SLAMF6: variants seen among roughly 807,000 people sequenced by gnomAD.
SLAMF6 encodes NK-T-B-antigen.
A neutral mutation model predicts 38.3 loss-of-function variants in SLAMF6; 21 were observed. The ratio of observed to expected loss-of-function variants is 0.55; its 90% CI spans 0.39 to 0.79. SLAMF6 has a LOEUF of 0.79. SLAMF6 is among the 30% of genes least tolerant of loss of function. The pLI, the probability that SLAMF6 is intolerant of heterozygous loss-of-function variation, is 0.00. For synonymous variants in SLAMF6, 152 were observed against 146.3 expected (o/e 1.04, Z -0.28); for missense variants, 341 against 385.3 (o/e 0.89, Z 0.96).
At chr1:160,521,624 C>T (rs991564788) in intron 1 of SLAMF6, among the ~76,000 whole-genome samples, 9 of 152,258 alleles carry the variant, frequency 5.9e-5, no homozygotes, top group South Asian at 2.1e-4. Flanking sequence ...TTCTCCTCAG[C>T]TTAACATATC....
intron 1 of SLAMF6, among the ~76,000 whole-genome samples, chr1:160,520,229 C>T (rs1278751905): frequency 6.6e-6 from 1 of 152,190 alleles, no homozygotes; most frequent in Non-Finnish European, 1.5e-5. Context: ...TTTGACTCAA[C>T]CTCAGAATCA....
Position 160,490,843 on chromosome 1 carries a change from G to A in SLAMF6, c.647-158C>T, listed in dbSNP as rs577721961. On this transcript the variant is annotated intron_variant, in intron 3 of 7. Transcript: ENST00000368057. ...TGGGAGTCCTATGTGGCAGGCAGGG[G>A]AGGGTGGGGCCCAGTGGAGTTAGGG... 4 of 729,582 alleles carry A rather than the reference G, an allele frequency of 5.5e-6. No homozygotes were observed. In the Admixed American group the frequency reaches 2.5e-4, roughly 46 times the overall value. 45.2% of individuals were successfully genotyped at this position (729,582 alleles called of 1,614,324 possible).
intron 1 of SLAMF6, among the ~76,000 whole-genome samples, chr1:160,513,581 T>C (rs2102061945): frequency 6.6e-6 from 1 of 151,954 alleles, no homozygotes; most frequent in South Asian, 2.1e-4. Flanking sequence ...AAGGTCAAAA[T>C]GAAGGAAAAA....
chr1:160,485,942 TC>T lies in SLAMF6; in HGVS notation c.*764del, dbSNP rs1466763102. On this transcript the variant is annotated 3_prime_UTR_variant, in exon 8 of 8. Coordinates refer to ENST00000368057, the MANE Select transcript of SLAMF6 (RefSeq NM_001184714.2). ...AAACAATGGAGCTGATGTAATACCA[TC>T]CTCTTCCTTTTTCAGTCTGGGAGAC... is the stretch of plus-strand genomic sequence containing the variant. The T allele has an allele frequency of 2.0e-5, 3 of 152,704 alleles. No homozygotes were observed. Among genetic ancestry groups the T allele is most frequent in the African/African-American group, 7.2e-5 (3 of 41,552 alleles). 9.5% of individuals were successfully genotyped at this position (152,704 alleles called of 1,614,324 possible).
Position 160,523,243 on chromosome 1 carries a change from T to C in SLAMF6, c.-51A>G. ...TGAGACCTTGAGGCAGTCAATGTTT[T>C]TGCCCTTCTGTCATAAACTGAAAAT... On this transcript the variant is annotated 5_prime_UTR_variant, in exon 1 of 8. Coordinates refer to ENST00000368057, the MANE Select transcript of SLAMF6 (RefSeq NM_001184714.2). The C allele has an allele frequency of 6.2e-7, 1 of 1,601,874 alleles. No homozygotes were observed. Among genetic ancestry groups the C allele is most frequent in the Non-Finnish European group, 8.5e-7 (1 of 1,174,308 alleles).
intron 1 of SLAMF6, among the ~76,000 whole-genome samples, chr1:160,520,669 G>T (rs2102073567): frequency 6.6e-6 from 1 of 152,274 alleles, no homozygotes; most frequent in South Asian, 2.1e-4. Flanking sequence ...CCCAGGGCTT[G>T]AGTTAAAGGA....
At position 160,496,179 on chromosome 1, in the gene SLAMF6, G is replaced by A. The variant is rs1055054581; in HGVS notation, c.264C>T (p.Phe88=). Residue 88 remains phenylalanine, a synonymous_variant, in exon 2 of 8, where the codon TTC becomes TTT. Coordinates refer to ENST00000368057, the MANE Select transcript of SLAMF6 (RefSeq NM_001184714.2). ...TGAGTTGCAGGGAGTAGGACTGGGTGAAGTTCAGTCGCTTTCCCTGTTTCG... is the reference window on the plus strand; with the variant it reads ...TGAGTTGCAGGGAGTAGGACTGGGTAAAGTTCAGTCGCTTTCCCTGTTTCG... The part of the protein sequence containing the change: ...TNPKQGKRLN[F]TQSYSLQLSN... The A allele has an allele frequency of 7.4e-6, 12 of 1,613,838 alleles. No individual in the cohort carries two copies. The highest frequency in any genetic ancestry group is 1.7e-5 in the Admixed American group (1 of 59,942).
At chr1:160,497,015 G>T (rs1387913169) in intron 1 of SLAMF6, among the ~76,000 whole-genome samples, 1 of 152,056 alleles carries the variant, frequency 6.6e-6, no homozygotes, top group African/African-American at 2.4e-5. Context: ...ATTTTCCCAG[G>T]GTTGCACAGC....
chr1:160,501,196 C>T (rs1198484964), intron 1 of SLAMF6, among the ~76,000 whole-genome samples: 1 of 152,136 alleles, frequency 6.6e-6, no homozygotes, highest in Non-Finnish European at 1.5e-5. Flanking sequence ...TTTATTAGGT[C>T]TGTTTTATGT....
intron 5 of SLAMF6, among the ~76,000 whole-genome samples, chr1:160,489,947 C>T (rs558356474): frequency 1.3e-5 from 2 of 152,264 alleles, no homozygotes; most frequent in African/African-American, 2.4e-5. Context: ...CTTAGTTTCT[C>T]CATCAGCAGG....
rs1233386461 is a variant in SLAMF6, at chr1:160,496,310, G to A, written c.133C>T (p.Pro45Ser). The A allele has an allele frequency of 6.2e-7, 1 of 1,613,896 alleles. No individual in the cohort carries two copies. Among genetic ancestry groups the A allele is most frequent in the Non-Finnish European group, 8.5e-7 (1 of 1,179,942 alleles). Residue 45 changes from proline to serine, a missense_variant, in exon 2 of 8, where the codon CCT (proline) becomes TCT (serine). Pro to Ser is a moderately conservative substitution (Grantham distance 74, BLOSUM62 -1). Transcript: ENST00000368057. Reference protein sequence around the residue: ...GESVTLPLEFPAGEKVNFITW... With the variant: ...GESVTLPLEFSAGEKVNFITW... ...ATGAAGTTGACCTTCTCTCCTGCAG[G>A]AAACTCCAGGGGAAGAGTTACTGAC...
intron 1 of SLAMF6, among the ~76,000 whole-genome samples, chr1:160,514,825 G>A (rs1179999040): frequency 6.6e-6 from 1 of 152,130 alleles, no homozygotes; most frequent in African/African-American, 2.4e-5. Context: ...AAGAGACAAT[G>A]TATCAGAATC....
intron 1 of SLAMF6, among the ~76,000 whole-genome samples, chr1:160,502,611 T>TA (rs1571299255): frequency 6.6e-6 from 1 of 152,160 alleles, no homozygotes; most frequent in East Asian, 1.9e-4. Flanking sequence ...TGGAAGGTAT[T>TA]AAAAAACATG....
Position 160,490,660 on chromosome 1 carries a change from G to C in SLAMF6, c.672C>G (p.Thr224=). The change falls in exon 4 of 8, where the codon ACC becomes ACG. Residue 224 remains threonine, a synonymous_variant. Coordinates refer to ENST00000368057, the MANE Select transcript of SLAMF6 (RefSeq NM_001184714.2). The part of the protein sequence containing the change: ...CEDVKIQYTD[T]KMILFMVSGI... ...CAGAAACCATAAACAGAATCATTTTGGTATCTGTATATTGAATTTTAACAT... is the reference window on the plus strand; with the variant it reads ...CAGAAACCATAAACAGAATCATTTTCGTATCTGTATATTGAATTTTAACAT... 1.9e-6 allele frequency: 3 copies of C among 1,613,658 alleles called. No individual in the cohort carries two copies. The highest frequency in any genetic ancestry group is 2.5e-6 in the Non-Finnish European group (3 of 1,179,754).
intron 1 of SLAMF6, among the ~76,000 whole-genome samples, chr1:160,519,179 T>C (rs913046173): frequency 6.6e-6 from 1 of 152,136 alleles, no homozygotes; most frequent in East Asian, 1.9e-4. Context: ...AAAGAGGATA[T>C]ACAAATGGCC....
At chr1:160,495,029 T>C (rs1653501382) in intron 2 of SLAMF6, among the ~76,000 whole-genome samples, 1 of 152,208 alleles carries the variant, frequency 6.6e-6, no homozygotes, top group African/African-American at 2.4e-5. Context: ...TGTTCTATTC[T>C]TCAAGAACAT....
chr1:160,491,857 A>T (rs1653321946), intron 2 of SLAMF6, among the ~76,000 whole-genome samples: 1 of 152,200 alleles, frequency 6.6e-6, no homozygotes, highest in Non-Finnish European at 1.5e-5. Flanking sequence ...TTGGGGTGGA[A>T]GATGGAAGCA....
intron 3 of SLAMF6, 99 bp downstream of exon 3, chr1:160,491,026 G>T: frequency 6.8e-7 from 1 of 1,462,058 alleles, no homozygotes; most frequent in Non-Finnish European, 9.4e-7. Flanking sequence ...AGCATTTTCT[G>T]CCTCCCACTG....
intron 1 of SLAMF6, among the ~76,000 whole-genome samples, chr1:160,517,288 T>C (rs982004549): frequency 6.6e-6 from 1 of 151,988 alleles, no homozygotes; most frequent in African/African-American, 2.4e-5. Flanking sequence ...ATTAGAAAAA[T>C]ACAATTGAAA....
Sources: allele counts gnomAD v4.1 joint callset (sites outside exome capture counted in the v4.1 genomes callset), GRCh38; gene constraint gnomAD v4.1.1; transcripts MANE v1.5; gene names NCBI Gene and HGNC (gene_info 2026-07-23, HGNC 2026-07-21).